The following HPGDS variants were observed in gnomAD, a reference collection of about 807,000 sequenced individuals.
HPGDS encodes GST class-sigma.
HPGDS carries 26 observed loss-of-function variants against 23.1 expected under a neutral mutation model. The observed-to-expected ratio is 1.13, with a 90% CI of 0.83 to 1.56. The LOEUF (loss-of-function observed/expected upper bound fraction) is 1.56, where lower values mean the gene tolerates loss of function less well. Ranked by LOEUF, HPGDS falls within the 40% of genes most tolerant of loss-of-function variation. The probability of loss-of-function intolerance (pLI) is 0.00; values close to 1 mark genes in which losing one functional copy is unlikely to be tolerated. For synonymous variants in HPGDS, 95 were observed against 77.9 expected (o/e 1.22, Z -1.16); for missense variants, 268 against 236.4 (o/e 1.13, Z -0.88).
rs559230433 is a variant in HPGDS at position 94,306,615 on chromosome 4, G to A, written c.336+2019C>T. On this transcript the variant is annotated intron_variant, in intron 4 of 5. Transcript: ENST00000295256. ...GAGGATTGGTGGAAAACTATTAAGC[G>A]GTTTTAGCATGGGATGTTCTTCATT... Among the ~76,000 whole-genome samples the A allele has an allele frequency of 3.1e-4, 47 of 152,174 alleles. No individual in the cohort carries two copies. In the South Asian group the frequency reaches 7.0e-3, roughly 23 times the overall value.
intron 3 of HPGDS, among the ~76,000 whole-genome samples, chr4:94,313,366 G>A (rs2126038467): frequency 6.6e-6 from 1 of 152,270 alleles, no homozygotes; most frequent in Non-Finnish European, 1.5e-5. Context: ...TTGCTTGTCT[G>A]GAAAGGATTT....
At chr4:94,320,471 G>C (rs1314236504) in intron 2 of HPGDS, among the ~76,000 whole-genome samples, 4 of 152,124 alleles carry the variant, frequency 2.6e-5, no homozygotes, top group African/African-American at 9.7e-5. Flanking sequence ...GTGTGAGATG[G>C]TATCTCACCA....
chr4:94,306,422 G>A (rs1365753368), intron 4 of HPGDS, among the ~76,000 whole-genome samples: 1 of 152,062 alleles, frequency 6.6e-6, no homozygotes, highest in African/African-American at 2.4e-5. Flanking sequence ...GGAAAGAGAG[G>A]AGATAAGAGC....
intron 2 of HPGDS, among the ~76,000 whole-genome samples, chr4:94,328,761 G>A (rs1416801382): frequency 6.6e-6 from 1 of 152,106 alleles, no homozygotes; most frequent in Non-Finnish European, 1.5e-5. Context: ...TTTGCCATGT[G>A]TATTGACCAC....
chr4:94,311,926 A>G (rs1422515401), intron 3 of HPGDS, among the ~76,000 whole-genome samples: 1 of 151,742 alleles, frequency 6.6e-6, no homozygotes, highest in Non-Finnish European at 1.5e-5. Context: ...TTATTTGTGT[A>G]GAGGTGTTTA....
intron 4 of HPGDS, among the ~76,000 whole-genome samples, chr4:94,305,648 T>G (rs1232534672): frequency 6.6e-6 from 1 of 152,080 alleles, no homozygotes; most frequent in Non-Finnish European, 1.5e-5. Context: ...CACTGTGGTA[T>G]TATACCCAGT....
chr4:94,318,137 G>C (rs1756433220), intron 2 of HPGDS, among the ~76,000 whole-genome samples, 172 bp from the exon 3 acceptor site: 1 of 152,030 alleles, frequency 6.6e-6, no homozygotes. Context: ...TATTTTATAA[G>C]TTTTGTTTAA....
chr4:94,312,144 T>A (rs1188839191), intron 3 of HPGDS, among the ~76,000 whole-genome samples: 1 of 152,162 alleles, frequency 6.6e-6, no homozygotes, highest in Non-Finnish European at 1.5e-5. Flanking sequence ...CTCCTTCAGT[T>A]CTGCTCTGAT....
intron 3 of HPGDS, among the ~76,000 whole-genome samples, chr4:94,312,264 T>C (rs1198672898): frequency 3.3e-5 from 5 of 152,196 alleles, no homozygotes; most frequent in African/African-American, 1.2e-4. Context: ...CTGCTTTCTC[T>C]TGTGGGCATT....
intron 3 of HPGDS, among the ~76,000 whole-genome samples, chr4:94,316,683 T>C (rs1178369622): frequency 6.6e-6 from 1 of 152,264 alleles, no homozygotes; most frequent in African/African-American, 2.4e-5. Context: ...CCATTTTCTC[T>C]CTGCTTAGAA....
chr4:94,340,184 C>G (rs568508728), intron 1 of HPGDS, among the ~76,000 whole-genome samples: 86 of 151,888 alleles, frequency 5.7e-4, no homozygotes, highest in African/African-American at 2.1e-3. Flanking sequence ...TCTCGATCAT[C>G]TGACCTTGTG....
At chr4:94,308,784 T>C (rs1379855566) in intron 3 of HPGDS, 41 bp from the exon 4 acceptor site, 2 of 1,103,844 alleles carry the variant, frequency 1.8e-6, no homozygotes, top group Non-Finnish European at 2.7e-6. Context: ...TTTAATTTAC[T>C]ATATTAAAAA....
chr4:94,341,832 G>T (rs1024905551), intron 1 of HPGDS, among the ~76,000 whole-genome samples: 1 of 152,164 alleles, frequency 6.6e-6, no homozygotes, highest in Non-Finnish European at 1.5e-5. Flanking sequence ...AGACCCTGGT[G>T]TTCTGAAATG....
At chr4:94,317,734 A>T in intron 3 of HPGDS, 139 bp downstream of exon 3, 2 of 523,890 alleles carry the variant, frequency 3.8e-6, no homozygotes, top group Middle Eastern at 9.8e-4. Flanking sequence ...TACAGGTGGT[A>T]TATTTATACT....
chr4:94,340,640 G>A (rs750159863), intron 1 of HPGDS, among the ~76,000 whole-genome samples: 3 of 37,038 alleles, frequency 8.1e-5, no homozygotes, highest in Admixed American at 3.9e-4. Flanking sequence ...GGCCCGGCCC[G>A]CCCCCCTCCC....
intron 1 of HPGDS, among the ~76,000 whole-genome samples, chr4:94,337,957 A>G (rs1721058229): frequency 6.6e-6 from 1 of 152,270 alleles, no homozygotes; most frequent in Non-Finnish European, 1.5e-5. Context: ...ATAGCAGCTA[A>G]CAAATGCTTA....
chr4:94,325,727 C>G (rs1210454351), intron 2 of HPGDS, among the ~76,000 whole-genome samples: 1 of 152,206 alleles, frequency 6.6e-6, no homozygotes, highest in Non-Finnish European at 1.5e-5. Context: ...TCCCTCAACC[C>G]CCTGTGCTTC....
chr4:94,309,968 A>C (rs1041885204), intron 3 of HPGDS, among the ~76,000 whole-genome samples: 11 of 152,080 alleles, frequency 7.2e-5, no homozygotes, highest in Non-Finnish European at 1.5e-4. Flanking sequence ...CCCACTTGTT[A>C]ATGGGGTTGT....
chr4:94,304,691 T>C (rs1756108016), intron 4 of HPGDS, among the ~76,000 whole-genome samples: 1 of 152,134 alleles, frequency 6.6e-6, no homozygotes, highest in Non-Finnish European at 1.5e-5. Context: ...GCAATGTTTC[T>C]GCAACGTGTT....
Sources: gnomAD v4.1 joint callset for allele counts (sites outside exome capture counted in the v4.1 genomes callset) on GRCh38, gnomAD v4.1.1 for gene constraint, MANE v1.5 for transcripts, NCBI Gene and HGNC (gene_info 2026-07-23, HGNC 2026-07-21) for gene names.